The following VWA3B variants were observed in gnomAD, a reference collection of about 807,000 sequenced individuals.
The protein encoded by VWA3B is von Willebrand factor A domain-containing protein 3B.
In VWA3B, 138 loss-of-function variants were observed where a neutral mutation model predicts 158.3. The ratio of observed to expected loss-of-function variants is 0.87; its 90% CI spans 0.76 to 1.00. VWA3B has a LOEUF of 1.00. Ranked by LOEUF, VWA3B falls within the 50% of genes least tolerant of loss-of-function variation. The pLI, the probability that VWA3B is intolerant of heterozygous loss-of-function variation, is 0.00. For synonymous variants in VWA3B, 596 were observed against 587.3 expected, an observed-to-expected ratio of 1.01 and a Z score of -0.21; for missense variants, 1,555 against 1,565.1, an observed-to-expected ratio of 0.99 and a Z score of 0.11.
At chr2:98,186,564 G>T (rs1041385040) in intron 9 of VWA3B, among the ~76,000 whole-genome samples, 1 of 151,212 alleles carries the variant, frequency 6.6e-6, no homozygotes. Flanking sequence ...ACCCTTTCCC[G>T]TCCCGGCCTG....
At chr2:98,103,636 A>G (rs1443514967) in intron 2 of VWA3B, among the ~76,000 whole-genome samples, 4 of 152,182 alleles carry the variant, frequency 2.6e-5, no homozygotes, top group Non-Finnish European at 5.9e-5. Context: ...GTCAGAGAAT[A>G]TAGTCTGTAA....
At chr2:98,230,659 C>T (rs562391292) in intron 16 of VWA3B, among the ~76,000 whole-genome samples, 2 of 152,158 alleles carry the variant, frequency 1.3e-5, no homozygotes, top group Admixed American at 6.6e-5. Flanking sequence ...TTTATAACCA[C>T]ACCCACCTCC....
intron 2 of VWA3B, among the ~76,000 whole-genome samples, chr2:98,096,670 T>G (rs115652323): frequency 0.026 from 4,010 of 152,326 alleles, 63 homozygotes; most frequent in Middle Eastern, 0.085. Context: ...TGTCCAGGAA[T>G]TTATTCATTT....
intron 6 of VWA3B, among the ~76,000 whole-genome samples, chr2:98,130,419 G>A (rs540264933): frequency 1.4e-4 from 21 of 152,200 alleles, no homozygotes; most frequent in African/African-American, 3.9e-4. Context: ...GACCCTTTAC[G>A]GGTGTTGGGC....
intron 21 of VWA3B, among the ~76,000 whole-genome samples, chr2:98,267,353 T>C (rs1687909144): frequency 1.3e-5 from 2 of 152,170 alleles, no homozygotes; most frequent in South Asian, 4.1e-4. Flanking sequence ...ATTACATTTA[T>C]TGATTTGCAT....
intron 2 of VWA3B, among the ~76,000 whole-genome samples, chr2:98,102,070 T>C (rs973362336): frequency 1.3e-5 from 2 of 152,210 alleles, no homozygotes; most frequent in Admixed American, 6.5e-5. Flanking sequence ...GGAGTGGTGA[T>C]CACTCTTAAT....
chr2:98,223,721 CTTTTATTTTA>C (rs970657252), intron 14 of VWA3B, among the ~76,000 whole-genome samples: 2 of 152,064 alleles, frequency 1.3e-5, no homozygotes, highest in Admixed American at 6.6e-5. Flanking sequence ...TATTATTTTA[CTTTTATTTTA>C]TTTTATTTTA....
downstream of VWA3B, among the ~76,000 whole-genome samples, chr2:98,315,036 A>T (rs1691061085): frequency 6.6e-6 from 1 of 152,138 alleles, no homozygotes; most frequent in Non-Finnish European, 1.5e-5. Context: ...CTCCGGAATG[A>T]CACAGACAAT....
Position 98,303,727 on chromosome 2 carries a change from T to C in VWA3B, c.3446T>C (p.Ile1149Thr), listed in dbSNP as rs759270795. 3.7e-6 allele frequency: 6 copies of C among 1,614,086 alleles called. No individual in the cohort carries two copies. The African/African-American group carries it at 6.7e-5, about 18-fold the overall frequency. ...GAATTTTGCCCTCGGAGTGCACTTA[T>C]TAAGATCAGCCAAAACAAGTATGCG... Reference protein sequence around the residue: ...RREFCPRSALIKISQNKYALS... With the variant: ...RREFCPRSALTKISQNKYALS... Residue 1149 changes from isoleucine to threonine, a missense_variant, in exon 26 of 28, where the codon ATT (isoleucine) becomes ACT (threonine). By Grantham distance (89) the Ile-to-Thr change is moderately conservative. Coordinates refer to ENST00000477737, the MANE Select transcript of VWA3B (RefSeq NM_144992.5).
chr2:98,285,242 T>G (rs867015089), intron 22 of VWA3B, among the ~76,000 whole-genome samples: 36 of 152,194 alleles, frequency 2.4e-4, no homozygotes, highest in Non-Finnish European at 1.9e-4. Context: ...TCAATTTGTC[T>G]CTATATATTT....
chr2:98,162,178 C>T (rs1164784167), intron 7 of VWA3B, among the ~76,000 whole-genome samples: 2 of 142,392 alleles, frequency 1.4e-5, no homozygotes, highest in Admixed American at 1.6e-4. Context: ...CCCGCCCCAA[C>T]ATCTAGAAAC....
chr2:98,092,215 G>A (rs1487438936), intron 1 of VWA3B, among the ~76,000 whole-genome samples: 1 of 152,218 alleles, frequency 6.6e-6, no homozygotes, highest in African/African-American at 2.4e-5. Flanking sequence ...ACCTGTCAGA[G>A]TTTTATCCTT....
At chr2:98,216,658 A>T (rs1684013721) in intron 13 of VWA3B, 1 of 467,256 alleles carries the variant, frequency 2.1e-6, no homozygotes, top group African/African-American at 2.0e-5. Context: ...GGGAATGGGG[A>T]AAGTGGCTCA....
the VWA3B span, among the ~76,000 whole-genome samples, chr2:98,327,116 G>A: frequency 2.6e-5 from 4 of 151,918 alleles, no homozygotes; most frequent in South Asian, 2.1e-4. Context: ...GCAACATGGC[G>A]AAACCTGTCT....
At chr2:98,154,314 A>G (rs967712748) in intron 7 of VWA3B, among the ~76,000 whole-genome samples, 8 of 152,194 alleles carry the variant, frequency 5.3e-5, no homozygotes, top group African/African-American at 1.9e-4. Context: ...GGAGCCCCAG[A>G]TTCTCAGAAT....
At chr2:98,169,718 T>C (rs1019421681) in intron 8 of VWA3B, among the ~76,000 whole-genome samples, 8 of 28,826 alleles carry the variant, frequency 2.8e-4, no homozygotes, top group Admixed American at 5.5e-4. Context: ...GGGCATTCTG[T>C]GTGTGTGTGT....
chr2:98,204,983 T>A (rs1682893095), intron 12 of VWA3B, among the ~76,000 whole-genome samples: 1 of 152,132 alleles, frequency 6.6e-6, no homozygotes, highest in African/African-American at 2.4e-5. Flanking sequence ...TGGTGACAGA[T>A]GCCTGTAATC....
At chr2:98,156,989 G>T (rs1283764038) in intron 7 of VWA3B, among the ~76,000 whole-genome samples, 2 of 151,970 alleles carry the variant, frequency 1.3e-5, no homozygotes, top group Non-Finnish European at 2.9e-5. Context: ...GTTCATTTTT[G>T]GGTTTTCTAA....
At chr2:98,181,844 G>A (rs554057564) in intron 9 of VWA3B, among the ~76,000 whole-genome samples, 4 of 152,300 alleles carry the variant, frequency 2.6e-5, no homozygotes, top group African/African-American at 9.6e-5. Flanking sequence ...CCGAAATGTG[G>A]CTCAAGAATT....
Sources: gnomAD v4.1 joint callset for allele counts (sites outside exome capture counted in the v4.1 genomes callset) on GRCh38, gnomAD v4.1.1 for gene constraint, MANE v1.5 for transcripts, NCBI Gene and HGNC (gene_info 2026-07-23, HGNC 2026-07-21) for gene names.